The following CASZ1 variants were observed in gnomAD, a reference collection of about 807,000 sequenced individuals.
CASZ1 encodes the protein castor zinc finger 1.
CASZ1 carries 28 observed loss-of-function variants against 135.2 expected under a neutral mutation model. That is an observed-to-expected ratio of 0.21 (90% CI 0.15 to 0.28). The LOEUF (loss-of-function observed/expected upper bound fraction) is 0.28. Ranked by LOEUF, CASZ1 falls within the 10% of genes least tolerant of loss-of-function variation. The pLI, the probability that CASZ1 is intolerant of heterozygous loss-of-function variation, is 1.00. For missense variants in CASZ1, 2,161 were observed against 2,453.3 expected (o/e 0.88, Z 2.52); for synonymous variants, 1,068 against 1,073.4 (o/e 0.99, Z 0.10).
intron 1 of CASZ1, among the ~76,000 whole-genome samples, chr1:10,773,415 G>A (rs1035192091): frequency 1.3e-5 from 2 of 151,802 alleles, no homozygotes; most frequent in African/African-American, 4.8e-5. Flanking sequence ...GGGCGGGGGT[G>A]GAGCTGGCCT....
chr1:10,640,529 C>A (rs1489217421), intron 20 of CASZ1, among the ~76,000 whole-genome samples: 1 of 152,250 alleles, frequency 6.6e-6, no homozygotes, highest in East Asian at 1.9e-4. Context: ...CCTGGCTGCG[C>A]CTGTCTGCAC....
intron 4 of CASZ1, among the ~76,000 whole-genome samples, chr1:10,687,499 G>A (rs1190846951): frequency 6.6e-6 from 1 of 152,270 alleles, no homozygotes; most frequent in Non-Finnish European, 1.5e-5. Context: ...CACGCCCGGG[G>A]CAGAGGCCTG....
rs900996743 is a variant in CASZ1 at position 10,699,964 on chromosome 1, GAGAC to G, written c.-24+5524_-24+5527del. On this transcript the variant is annotated intron_variant, in intron 3 of 20. Coordinates refer to ENST00000377022, the MANE Select transcript of CASZ1 (RefSeq NM_001079843.3). This position sits in a 1 kb window ranked among gnomAD's most constrained non-coding sequence, Gnocchi z 4.6. ...GGTGAGAAGAAACAGAAGAGAAGCA[GAGAC>G]AGAGAGAGAGAAAGAGAGACAGGCA... Among the ~76,000 whole-genome samples the G allele has an allele frequency of 3.9e-5, 6 of 151,996 alleles. No individual in the cohort carries two copies. The highest frequency in any genetic ancestry group is 1.5e-4 in the African/African-American group (6 of 41,374).
intron 20 of CASZ1, among the ~76,000 whole-genome samples, chr1:10,640,868 G>T (rs1642182316): frequency 6.6e-6 from 1 of 152,198 alleles, no homozygotes; most frequent in African/African-American, 2.4e-5. Flanking sequence ...CAAGGCCAGG[G>T]TTGTAACCCT....
At chr1:10,696,061 G>A (rs1315512787) in intron 3 of CASZ1, among the ~76,000 whole-genome samples, 1 of 152,212 alleles carries the variant, frequency 6.6e-6, no homozygotes, top group Non-Finnish European at 1.5e-5. Context: ...GCCTATTTTT[G>A]CAATATTTCT....
intron 20 of CASZ1, among the ~76,000 whole-genome samples, chr1:10,640,543 G>C (rs997089540): frequency 5.3e-5 from 8 of 152,220 alleles, no homozygotes; most frequent in African/African-American, 1.9e-4. Flanking sequence ...TCTGCACAGG[G>C]GGAGCTGCCT....
chr1:10,750,898 C>A (rs1369767326), intron 2 of CASZ1, among the ~76,000 whole-genome samples: 4 of 149,490 alleles, frequency 2.7e-5, no homozygotes, highest in Non-Finnish European at 5.9e-5. Flanking sequence ...GACTCTGTCT[C>A]AAAAAATATA....
At position 10,727,313 on chromosome 1, in the gene CASZ1, G is replaced by A. The variant is rs1443253450; in HGVS notation, c.-76-21769C>T. Among the ~76,000 whole-genome samples, 7 of 152,154 alleles carry A rather than the reference G, an allele frequency of 4.6e-5. No individual in the cohort carries two copies. The South Asian group carries it at 8.3e-4, about 18-fold the overall frequency. Reference sequence around the variant, plus strand: ...GCCCCAGCCCCCACTCCAGGTCATCGGCCATCCAGCTCTTCATTCACAACT... The same window carrying A: ...GCCCCAGCCCCCACTCCAGGTCATCAGCCATCCAGCTCTTCATTCACAACT... On this transcript the variant is annotated intron_variant, in intron 2 of 20. Coordinates refer to ENST00000377022, the MANE Select transcript of CASZ1 (RefSeq NM_001079843.3). This position sits in a 1 kb window ranked among gnomAD's most constrained non-coding sequence, Gnocchi z 5.3.
intron 5 of CASZ1, among the ~76,000 whole-genome samples, chr1:10,661,623 A>G (rs1480752436): frequency 6.6e-6 from 1 of 150,878 alleles, no homozygotes; most frequent in East Asian, 1.9e-4. Context: ...AATCACATAC[A>G]ACACACACAT....
intron 4 of CASZ1, among the ~76,000 whole-genome samples, chr1:10,672,307 C>A (rs919800723): frequency 1.3e-5 from 2 of 151,050 alleles, no homozygotes; most frequent in South Asian, 2.1e-4. Context: ...CGCGCCCGGG[C>A]CTCTCAGGAA....
At chr1:10,698,868 G>A (rs1639000650) in intron 3 of CASZ1, among the ~76,000 whole-genome samples, 1 of 152,246 alleles carries the variant, frequency 6.6e-6, no homozygotes, top group African/African-American at 2.4e-5. Context: ...CTTGGCCCAT[G>A]AATTGGGCTC....
At chr1:10,789,626 T>C (rs980075849) in intron 1 of CASZ1, among the ~76,000 whole-genome samples, 1 of 151,692 alleles carries the variant, frequency 6.6e-6, no homozygotes, top group East Asian at 1.9e-4. Context: ...CAAAGACACA[T>C]AGGACAAATC....
chr1:10,770,142 T>C (rs760778677), intron 1 of CASZ1, among the ~76,000 whole-genome samples: 10 of 152,184 alleles, frequency 6.6e-5, no homozygotes, highest in Admixed American at 2.0e-4. Flanking sequence ...TGGAGTGCAA[T>C]GGCACGATCT....
chr1:10,750,804 CAGG>C (rs1409493978), intron 2 of CASZ1, among the ~76,000 whole-genome samples: 1 of 152,094 alleles, frequency 6.6e-6, no homozygotes, highest in African/African-American at 2.4e-5. Flanking sequence ...GAGGCTGAAG[CAGG>C]AGAATAGCTT....
intron 4 of CASZ1, among the ~76,000 whole-genome samples, chr1:10,686,701 C>T (rs1203353996): frequency 1.3e-5 from 2 of 152,202 alleles, no homozygotes; most frequent in African/African-American, 4.8e-5. Context: ...GGGGCCGTAA[C>T]CGTGGAAACG....
intron 3 of CASZ1, chr1:10,704,701 C>G (rs1006414150): frequency 3.9e-5 from 6 of 152,372 alleles, no homozygotes; most frequent in Non-Finnish European, 5.9e-5. Context: ...CCCCGCCAAG[C>G]GGGGATGATG....
At chr1:10,784,431 T>C (rs1278252003) in intron 1 of CASZ1, among the ~76,000 whole-genome samples, 1 of 152,236 alleles carries the variant, frequency 6.6e-6, no homozygotes, top group Middle Eastern at 3.2e-3. Flanking sequence ...GAAATGTGGC[T>C]CGTTCAAGGA....
chr1:10,683,787 C>T (rs1219429245), intron 4 of CASZ1, among the ~76,000 whole-genome samples: 2 of 152,326 alleles, frequency 1.3e-5, no homozygotes, highest in African/African-American at 4.8e-5. Flanking sequence ...AGGAGGCTTT[C>T]CCCCAGAAGC....
At chr1:10,795,701 G>C (rs945033053) in intron 1 of CASZ1, among the ~76,000 whole-genome samples, 2 of 152,236 alleles carry the variant, frequency 1.3e-5, no homozygotes, top group African/African-American at 4.8e-5. Context: ...CTTCAGCTGG[G>C]GAGGCAGGGG....
Sources: allele counts gnomAD v4.1 joint callset (sites outside exome capture counted in the v4.1 genomes callset), GRCh38; gene constraint gnomAD v4.1.1; non-coding constraint Gnocchi (gnomAD v3.1); transcripts MANE v1.5; gene names NCBI Gene and HGNC (gene_info 2026-07-23, HGNC 2026-07-21).